Variants in PRDM11 observed in about 807,000 individuals in gnomAD.
The protein encoded by PRDM11 is PR/SET domain 11, also known as PR domain-containing protein 11.
In PRDM11, 20 loss-of-function variants were observed where a neutral mutation model predicts 97.8. That is an observed-to-expected ratio of 0.20 (90% confidence interval 0.14 to 0.30). The LOEUF (loss-of-function observed/expected upper bound fraction) is 0.30, where lower values mean the gene tolerates loss of function less well. PRDM11 is among the 10% of genes least tolerant of loss of function. PRDM11 has a pLI of 1.00. For missense variants in PRDM11, 1,139 were observed against 1,555.2 expected (o/e 0.73, Z 4.50); for synonymous variants, 599 against 637.7 (o/e 0.94, Z 0.91).
At chr11:45,221,784 T>C (rs1854128201) in intron 6 of PRDM11, among the ~76,000 whole-genome samples, 1 of 152,138 alleles carries the variant, frequency 6.6e-6, no homozygotes, top group African/African-American at 2.4e-5. Flanking sequence ...AGTGGGGCAG[T>C]TTCACAGCTG....
At chr11:45,105,804 A>T (rs556494937) in intron 1 of PRDM11, among the ~76,000 whole-genome samples, 3 of 152,322 alleles carry the variant, frequency 2.0e-5, no homozygotes, top group South Asian at 2.1e-4. Flanking sequence ...TCTTCCCAGA[A>T]GCCCTCTGCT....
rs3740782 is a variant in PRDM11, at chr11:45,234,099, G to A, written c.*5940G>A. ...CACCAGCTCCTAGCCCGGGCCGGGC[G>A]GGGATGTCTGGGGGCCACGCGGGGG... On this transcript the variant is annotated 3_prime_UTR_variant, in exon 8 of 8. Coordinates refer to ENST00000683152, the MANE Select transcript of PRDM11 (RefSeq NM_001384648.1). The A allele has an allele frequency of 3.3e-3, 503 of 152,390 alleles. 14 individuals are homozygous for A. The East Asian group carries it at 0.081, about 25-fold the overall frequency. The allele number at this position is 152,390 out of a possible 1,614,324, so 9.4% of individuals were successfully genotyped here.
chr11:45,195,129 T>C (rs983245552), intron 4 of PRDM11, among the ~76,000 whole-genome samples: 7 of 152,242 alleles, frequency 4.6e-5, no homozygotes, highest in African/African-American at 1.7e-4. Context: ...GCATAGGATA[T>C]GTAGGACGTA....
At chr11:45,163,488 T>TGC (rs1554968584) in intron 1 of PRDM11, among the ~76,000 whole-genome samples, 1 of 149,578 alleles carries the variant, frequency 6.7e-6, no homozygotes, top group Non-Finnish European at 1.5e-5. Context: ...TGCTTGAGGA[T>TGC]GGGGGGGGGT....
At chr11:45,178,005 A>T (rs542237210) in intron 1 of PRDM11, among the ~76,000 whole-genome samples, 1 of 152,316 alleles carries the variant, frequency 6.6e-6, no homozygotes, top group East Asian at 1.9e-4. Context: ...TGGCCCACAG[A>T]TGTCTCTACT....
intron 4 of PRDM11, among the ~76,000 whole-genome samples, chr11:45,201,642 C>T (rs1590438008): frequency 6.6e-6 from 1 of 152,038 alleles, no homozygotes; most frequent in African/African-American, 2.4e-5. Context: ...CACAGGCGTG[C>T]ACTACCACAC....
At chr11:45,124,067 T>G (rs1478789616) in intron 1 of PRDM11, among the ~76,000 whole-genome samples, 2 of 149,114 alleles carry the variant, frequency 1.3e-5, no homozygotes, top group African/African-American at 2.5e-5. Context: ...TCACATCCCT[T>G]GTAAGTTGGA....
At chr11:45,146,538 T>C (rs1025957075), upstream of PRDM11, 30 of 151,714 alleles carry the variant, frequency 2.0e-4, no homozygotes, top group African/African-American at 7.3e-4. Context: ...CCGGGAGTTT[T>C]CTCCGGGGCC....
At chr11:45,138,598 A>C (rs1339298398) in intron 1 of PRDM11, among the ~76,000 whole-genome samples, 1 of 152,212 alleles carries the variant, frequency 6.6e-6, no homozygotes, top group Non-Finnish European at 1.5e-5. Context: ...CATGATACAC[A>C]TGGCACTACA....
chr11:45,151,497 T>C (rs1851658532), intron 1 of PRDM11, among the ~76,000 whole-genome samples: 1 of 152,246 alleles, frequency 6.6e-6, no homozygotes, highest in Non-Finnish European at 1.5e-5. Context: ...CCCATCTGGG[T>C]ACCATTCGGT....
At position 45,227,353 on chromosome 11, in the gene PRDM11, G is replaced by A; in HGVS notation, c.2728G>A (p.Asp910Asn). Residue 910 changes from aspartate (D) to asparagine (N), a missense_variant, in exon 8 of 8, where the codon GAC becomes AAC. Coordinates refer to ENST00000683152, the MANE Select transcript of PRDM11 (RefSeq NM_001384648.1). This position sits in a 1 kb window ranked among gnomAD's most constrained non-coding sequence, Gnocchi z 8.0. ...GTACCTGCTGGTGTCCCAGGTGGAT[G>A]ACAAGATCGAGGAGGCCATCCAGGA... ...GEYLLVSQVDDKIEEAIQEIS... is the reference protein window; with the variant it reads ...GEYLLVSQVDNKIEEAIQEIS... The A allele has an allele frequency of 6.5e-7, 1 of 1,533,976 alleles. No homozygotes were observed. Among genetic ancestry groups the A allele is most frequent in the Non-Finnish European group, 8.7e-7 (1 of 1,146,740 alleles).
At chr11:45,104,011 C>A (rs1371945628) in intron 1 of PRDM11, among the ~76,000 whole-genome samples, 1 of 152,122 alleles carries the variant, frequency 6.6e-6, no homozygotes, top group Non-Finnish European at 1.5e-5. Context: ...CTTTTTATAG[C>A]TGAGGGATTG....
At chr11:45,120,628 T>TA (rs139063992) in intron 1 of PRDM11, among the ~76,000 whole-genome samples, 151 of 147,682 alleles carry the variant, frequency 1.0e-3, no homozygotes, top group Middle Eastern at 3.5e-3. Context: ...ATATTTTCAT[T>TA]AAAAAAAAAA....
chr11:45,094,368 C>T (rs1415672327), upstream of PRDM11, among the ~76,000 whole-genome samples: 1 of 151,710 alleles, frequency 6.6e-6, no homozygotes. Context: ...CCCAGGCTGC[C>T]CCTGAATGTC....
At chr11:45,181,989 T>C in intron 2 of PRDM11, 104 bp downstream of exon 2, 1 of 1,077,552 alleles carries the variant, frequency 9.3e-7, no homozygotes, top group South Asian at 1.5e-5. Context: ...CTTGCCCACC[T>C]TCCCTAACCC....
upstream of PRDM11, among the ~76,000 whole-genome samples, chr11:45,095,094 A>G (rs912224699): frequency 6.6e-6 from 1 of 152,072 alleles, no homozygotes; most frequent in African/African-American, 2.4e-5. Context: ...CTGCCACCAC[A>G]GTGGGATCCC....
At chr11:45,186,232 G>A (rs1176457689) in intron 4 of PRDM11, among the ~76,000 whole-genome samples, 1 of 152,126 alleles carries the variant, frequency 6.6e-6, no homozygotes, top group Non-Finnish European at 1.5e-5. Flanking sequence ...TATGTTTGTG[G>A]GGGGACATCT....
upstream of PRDM11, among the ~76,000 whole-genome samples, chr11:45,145,942 C>T (rs1451487637): frequency 6.6e-6 from 1 of 152,182 alleles, no homozygotes; most frequent in Non-Finnish European, 1.5e-5. Flanking sequence ...ACTGAGGAAT[C>T]GAGCAAGTGA....
intron 1 of PRDM11, among the ~76,000 whole-genome samples, chr11:45,106,441 C>A (rs1379767119): frequency 6.6e-6 from 1 of 152,140 alleles, no homozygotes; most frequent in Non-Finnish European, 1.5e-5. Flanking sequence ...CTCTCACGAG[C>A]TAGATGTTCT....
Sources: allele counts gnomAD v4.1 joint callset (sites outside exome capture counted in the v4.1 genomes callset), GRCh38; gene constraint gnomAD v4.1.1; non-coding constraint Gnocchi (gnomAD v3.1); transcripts MANE v1.5; gene names NCBI Gene and HGNC (gene_info 2026-07-23, HGNC 2026-07-21).